The following PTPRD variants were observed in gnomAD, a reference collection of about 807,000 sequenced individuals.
PTPRD encodes protein tyrosine phosphatase receptor type D, also known as receptor-type tyrosine-protein phosphatase delta.
Under a neutral mutation model 214.5 loss-of-function variants are expected in PTPRD, and 34 were observed. The observed-to-expected ratio is 0.16, with a 90% CI of 0.12 to 0.21. The LOEUF (loss-of-function observed/expected upper bound fraction) is 0.21, where lower values mean the gene tolerates loss of function less well. Ranked by LOEUF, PTPRD falls within the 10% of genes least tolerant of loss-of-function variation. PTPRD has a pLI of 1.00. For synonymous variants in PTPRD, 1,128 were observed against 845.7 expected (o/e 1.33, Z -5.79); for missense variants, 2,545 against 2,398.7 (o/e 1.06, Z -1.27).
chr9:9,341,772 G>A (rs887210557), intron 9 of PTPRD, among the ~76,000 whole-genome samples: 2 of 151,934 alleles, frequency 1.3e-5, no homozygotes, highest in African/African-American at 2.4e-5. Flanking sequence ...TAGACTGAAA[G>A]AATTCTCAAA....
At chr9:9,972,634 G>C (rs1428771374) in intron 4 of PTPRD, among the ~76,000 whole-genome samples, 2 of 152,136 alleles carry the variant, frequency 1.3e-5, no homozygotes, top group Non-Finnish European at 2.9e-5. Context: ...TTGGAGGTTG[G>C]AAATCCAATA....
At chr9:9,832,702 G>A (rs532071786) in intron 5 of PTPRD, among the ~76,000 whole-genome samples, 15 of 152,092 alleles carry the variant, frequency 9.9e-5, no homozygotes, top group African/African-American at 3.4e-4. Flanking sequence ...GGAAGACATA[G>A]ACACTTTCCT....
At chr9:9,235,457 A>G (rs2099966001) in intron 9 of PTPRD, among the ~76,000 whole-genome samples, 1 of 152,192 alleles carries the variant, frequency 6.6e-6, no homozygotes, top group African/African-American at 2.4e-5. Context: ...GTAAGCATAA[A>G]GTGGACAGTT....
At chr9:10,117,669 C>G (rs966277909) in intron 3 of PTPRD, among the ~76,000 whole-genome samples, 2 of 149,694 alleles carry the variant, frequency 1.3e-5, no homozygotes, top group African/African-American at 4.9e-5. Flanking sequence ...CACTCTAATT[C>G]CAGGATGATT....
At chr9:10,128,013 G>A (rs978192344) in intron 3 of PTPRD, among the ~76,000 whole-genome samples, 1 of 152,058 alleles carries the variant, frequency 6.6e-6, no homozygotes, top group Non-Finnish European at 1.5e-5. Context: ...TTGGAGAAAG[G>A]CCTTGGTAGC....
At chr9:10,076,493 T>A (rs571583288) in intron 3 of PTPRD, among the ~76,000 whole-genome samples, 1 of 152,132 alleles carries the variant, frequency 6.6e-6, no homozygotes. Flanking sequence ...AATGGATATA[T>A]AGACCCTGAA....
At chr9:10,340,732 G>C (rs1339072740) in intron 3 of PTPRD, among the ~76,000 whole-genome samples, 1 of 151,852 alleles carries the variant, frequency 6.6e-6, no homozygotes, top group African/African-American at 2.4e-5. Flanking sequence ...AACATCTCAT[G>C]AGCAATACTG....
intron 3 of PTPRD, among the ~76,000 whole-genome samples, chr9:10,259,648 C>G (rs182448895): frequency 4.5e-4 from 68 of 152,188 alleles, no homozygotes; most frequent in African/African-American, 1.5e-3. Context: ...TTCCTTTAAA[C>G]TGTCATCATT....
At chr9:9,499,425 C>T (rs1025721198) in intron 8 of PTPRD, among the ~76,000 whole-genome samples, 1 of 151,956 alleles carries the variant, frequency 6.6e-6, no homozygotes, top group African/African-American at 2.4e-5. Context: ...AAATATATTG[C>T]CGAACTATAG....
intron 11 of PTPRD, among the ~76,000 whole-genome samples, chr9:8,840,358 C>G (rs2097534580): frequency 6.6e-6 from 1 of 152,172 alleles, no homozygotes; most frequent in Non-Finnish European, 1.5e-5. Context: ...TTCCCCTGCA[C>G]AAACTCTCTT....
chr9:8,411,391 C>T (rs551043012), intron 35 of PTPRD, among the ~76,000 whole-genome samples: 1 of 152,126 alleles, frequency 6.6e-6, no homozygotes, highest in Non-Finnish European at 1.5e-5. Flanking sequence ...GCAACCTCTG[C>T]CTCCCGGGTT....
At chr9:8,645,120 T>C (rs909768160) in intron 12 of PTPRD, among the ~76,000 whole-genome samples, 5 of 152,248 alleles carry the variant, frequency 3.3e-5, no homozygotes, top group Non-Finnish European at 4.4e-5. Context: ...TGTATACTGA[T>C]TGTCTTCTCA....
intron 2 of PTPRD, among the ~76,000 whole-genome samples, chr9:10,561,237 T>C (rs1030196846): frequency 1.1e-4 from 17 of 152,152 alleles, no homozygotes; most frequent in African/African-American, 4.1e-4. Flanking sequence ...ATTTGAAAAG[T>C]AGGAATAGTA....
At chr9:9,816,839 C>G (rs1247853553) in intron 5 of PTPRD, among the ~76,000 whole-genome samples, 1 of 151,888 alleles carries the variant, frequency 6.6e-6, no homozygotes, top group Non-Finnish European at 1.5e-5. Context: ...CTCTCTTATC[C>G]TATGCATGAA....
chr9:9,442,614 G>A lies in PTPRD; in HGVS notation c.-236-45132C>T, dbSNP rs557170669. 1.9e-4 allele frequency among the ~76,000 whole-genome samples: 29 copies of A among 152,310 alleles called. 2 individuals are homozygous for A. In the East Asian group the frequency reaches 5.4e-3, roughly 28 times the overall value. On this transcript the variant is annotated intron_variant, in intron 8 of 45. Transcript: ENST00000381196. ...GGTACAGTTAGAGAACAAAATAGCT[G>A]ATGGATTGTTATTTATCTGTGCATG...
chr9:9,298,907 T>C (rs1391916381), intron 9 of PTPRD, among the ~76,000 whole-genome samples: 1 of 151,826 alleles, frequency 6.6e-6, no homozygotes, highest in Non-Finnish European at 1.5e-5. Flanking sequence ...TAAAAATGTT[T>C]CCATCACAAT....
intron 33 of PTPRD, among the ~76,000 whole-genome samples, chr9:8,458,891 A>T (rs1308870904): frequency 3.3e-5 from 5 of 152,124 alleles, no homozygotes; most frequent in African/African-American, 9.7e-5. Context: ...TTCATGAAAA[A>T]AAATAATGAT....
intron 11 of PTPRD, among the ~76,000 whole-genome samples, chr9:8,769,842 C>A (rs2095061862): frequency 6.6e-6 from 1 of 151,710 alleles, no homozygotes; most frequent in African/African-American, 2.4e-5. Context: ...TGACCGCACT[C>A]CCCTGCTCCC....
chr9:8,712,883 T>G (rs1297415415), intron 12 of PTPRD, among the ~76,000 whole-genome samples: 1 of 152,078 alleles, frequency 6.6e-6, no homozygotes, highest in African/African-American at 2.4e-5. Flanking sequence ...CACGCCTGAC[T>G]AATTTTTGTA....
Sources: gnomAD v4.1 joint callset for allele counts (sites outside exome capture counted in the v4.1 genomes callset) on GRCh38, gnomAD v4.1.1 for gene constraint, MANE v1.5 for transcripts, NCBI Gene and HGNC (gene_info 2026-07-23, HGNC 2026-07-21) for gene names.